PAQR6: variants seen among roughly 807,000 people sequenced by gnomAD.
PAQR6 encodes the protein progestin and adipoQ receptor family member 6, also known as membrane progestin receptor delta.
In PAQR6, 34 loss-of-function variants were observed where a neutral mutation model predicts 36.2. That is an observed-to-expected ratio of 0.94 (90% CI 0.71 to 1.25). PAQR6 has a LOEUF of 1.25. Among genes scored for constraint, PAQR6 ranks in the 50% most tolerant of loss-of-function variants. PAQR6 has a pLI of 0.00. For synonymous variants in PAQR6, 190 were observed against 190.7 expected (o/e 1.00, Z 0.03); for missense variants, 431 against 445.7 (o/e 0.97, Z 0.30).
chr1:156,246,663 G>A lies in PAQR6; in HGVS notation c.51+18C>T. ...CTAGGGAATGGGGGTTGGTGGGTCA[G>A]TGGGTGGAGCCCCTCACCCGGGGGA... On this transcript the variant is annotated intron_variant, in intron 2 of 7. Transcript: ENST00000292291. 1 of 1,613,034 alleles carries A rather than the reference G, an allele frequency of 6.2e-7. No homozygotes were observed. The highest frequency in any genetic ancestry group is 8.5e-7 in the Non-Finnish European group (1 of 1,179,458).
chr1:156,246,558 A>G, intron 2 of PAQR6, 123 bp downstream of exon 2: 1 of 1,133,396 alleles, frequency 8.8e-7, no homozygotes, highest in Non-Finnish European at 1.3e-6. Flanking sequence ...CTCACACTGG[A>G]ATGGGAGGGT....
chr1:156,244,268 AC>A lies in PAQR6; in HGVS notation c.895del (p.Val299TrpfsTer136). The A allele has an allele frequency of 6.2e-7, 1 of 1,613,600 alleles. No individual in the cohort carries two copies. The highest frequency in any genetic ancestry group is 8.5e-7 in the Non-Finnish European group (1 of 1,180,010). On this transcript the variant is annotated frameshift_variant, in exon 8 of 8. Transcript: ENST00000292291. LOFTEE classifies it high-confidence loss of function. ...AGCTGCAGCCAAGACCAGTGTGGCC[AC>A]TGTGCCTGCCAGGCCCAGGGCAGGT... ...QEPALGLAGT[V>X]ATLVLAAAGN...
intron 1 of PAQR6, among the ~76,000 whole-genome samples, chr1:156,247,311 C>A (rs1292261871): frequency 2.0e-5 from 3 of 152,216 alleles, no homozygotes; most frequent in Admixed American, 2.0e-4. Context: ...GGGTCCCTGC[C>A]CCTCCTGAGC....
Position 156,246,674 on chromosome 1 carries a change from C to T in PAQR6, c.51+7G>A. 1 of 1,613,460 alleles carries T rather than the reference C, an allele frequency of 6.2e-7. No homozygotes were observed. The highest frequency in any genetic ancestry group is 1.1e-5 in the South Asian group (1 of 90,962). ...GGGTTGGTGGGTCAGTGGGTGGAGC[C>T]CCTCACCCGGGGGACCTGGTGGACT... On this transcript the variant is annotated splice_region_variant and intron_variant, in intron 2 of 7. Coordinates refer to ENST00000292291, the MANE Select transcript of PAQR6 (RefSeq NM_198406.3).
Position 156,244,232 on chromosome 1 carries a change from A to T in PAQR6, c.932T>A (p.Leu311His). Residue 311 changes from leucine to histidine, a missense_variant, in exon 8 of 8, where the codon CTC becomes CAC. Transcript: ENST00000292291. The part of the protein sequence containing the change: ...TLVLAAAGNL[L>H]IIAAFTATLL... ...GGTGGCTGTGAAAGCAGCAATAATG[A>T]GTAGGTTCCCAGCTGCAGCCAAGAC... The T allele has an allele frequency of 6.2e-7, 1 of 1,613,810 alleles. No individual in the cohort carries two copies. Among genetic ancestry groups the T allele is most frequent in the Non-Finnish European group, 8.5e-7 (1 of 1,179,968 alleles).
At position 156,246,205 on chromosome 1, in the gene PAQR6, T is replaced by A. The variant is rs780877407; in HGVS notation, c.97A>T (p.Ser33Cys). 9.3e-6 allele frequency: 15 copies of A among 1,613,608 alleles called. No individual in the cohort carries two copies. In the East Asian group the frequency reaches 3.1e-4, roughly 34 times the overall value. Reference sequence around the variant, plus strand: ...CTGAGGACACAGTCCAAAGCCGAGCTGGTGGGGCGGCGGTAGCCAGACATG... The same window carrying A: ...CTGAGGACACAGTCCAAAGCCGAGCAGGTGGGGCGGCGGTAGCCAGACATG... ...GIMSGYRRPT[S>C]SALDCVLSSF... Residue 33 changes from serine (S) to cysteine (C), a missense_variant, in exon 3 of 8, where the codon AGC (serine) becomes TGC (cysteine). Coordinates refer to ENST00000292291, the MANE Select transcript of PAQR6 (RefSeq NM_198406.3).
Position 156,243,402 on chromosome 1 carries a change from C to T in PAQR6, c.*727G>A. On this transcript the variant is annotated 3_prime_UTR_variant, in exon 8 of 8. Coordinates refer to ENST00000292291, the MANE Select transcript of PAQR6 (RefSeq NM_198406.3). ...GGGGGTGAGGAGGTTTTACCTTCTTCAGTTCTAGAAAGTGCTTTCCAAAGT... is the reference window on the plus strand; with the variant it reads ...GGGGGTGAGGAGGTTTTACCTTCTTTAGTTCTAGAAAGTGCTTTCCAAAGT... The T allele has an allele frequency of 1.6e-6, 1 of 615,712 alleles. No homozygotes were observed. Among genetic ancestry groups the T allele is most frequent in the Non-Finnish European group, 2.7e-6 (1 of 371,402 alleles). The allele number at this position is 615,712 out of a possible 1,614,324, so 38.1% of individuals were successfully genotyped here.
chr1:156,245,431 A>C (rs553810826), intron 5 of PAQR6, 104 bp downstream of exon 5: 1 of 1,512,978 alleles, frequency 6.6e-7, no homozygotes, highest in African/African-American at 1.4e-5. Context: ...GGAAGTCCTC[A>C]GTACATGGTC....
chr1:156,243,700 T>C lies in PAQR6; in HGVS notation c.*429A>G, dbSNP rs1659670457. The C allele has an allele frequency of 5.4e-6, 5 of 934,270 alleles. No individual in the cohort carries two copies. The African/African-American group carries it at 6.6e-5, about 12-fold the overall frequency. 57.9% of individuals were successfully genotyped at this position (934,270 alleles called of 1,614,324 possible). On this transcript the variant is annotated 3_prime_UTR_variant, in exon 8 of 8. Coordinates refer to ENST00000292291, the MANE Select transcript of PAQR6 (RefSeq NM_198406.3). ...GGGATGGGGGGGCAAGTGTGTGGCC[T>C]CTCGGCCTGGTTAGCAAGAAGCATT...
chr1:156,243,828 C>T lies in PAQR6; in HGVS notation c.*301G>A. ...AGATGAAAGGACCCCAACACCTCCC[C>T]CCGCCAACCTTTGACAGAATATAGG... On this transcript the variant is annotated 3_prime_UTR_variant, in exon 8 of 8. Coordinates refer to ENST00000292291, the MANE Select transcript of PAQR6 (RefSeq NM_198406.3). The T allele has an allele frequency of 1.3e-6, 2 of 1,541,490 alleles. No homozygotes were observed. The highest frequency in any genetic ancestry group is 1.8e-6 in the Non-Finnish European group (2 of 1,142,008).
intron 7 of PAQR6, 27 bp downstream of exon 7, chr1:156,244,734 C>CCCGGG (rs1258447046): frequency 6.2e-7 from 1 of 1,613,824 alleles, no homozygotes; most frequent in Non-Finnish European, 8.5e-7. Context: ...CCTGCCTCTT[C>CCCGGG]CCGGGCCGGG....
chr1:156,246,327 G>A, intron 2 of PAQR6, 77 bp from the exon 3 acceptor site: 1 of 1,359,580 alleles, frequency 7.4e-7, no homozygotes, highest in Non-Finnish European at 1.0e-6. Flanking sequence ...TGGAAGCAGG[G>A]TCAAAGAGGC....
chr1:156,244,997 G>A (rs1028737289), intron 6 of PAQR6, 86 bp from the exon 7 acceptor site: 9 of 1,593,518 alleles, frequency 5.6e-6, no homozygotes, highest in Admixed American at 1.7e-5. Context: ...GACGCAGAGC[G>A]GGCGGGCACA....
Position 156,243,768 on chromosome 1 carries a change from G to A in PAQR6, c.*361C>T. 19 of 1,434,424 alleles carry A rather than the reference G, an allele frequency of 1.3e-5. No homozygotes were observed. The highest frequency in any genetic ancestry group is 1.8e-5 in the Non-Finnish European group (19 of 1,065,938). 88.9% of individuals were successfully genotyped at this position (1,434,424 alleles called of 1,614,324 possible). ...AGTCGTGTTAGTTCTTCCCTGTGCT[G>A]AGCAGAGACTTCCAGAAGCACCAGA... On this transcript the variant is annotated 3_prime_UTR_variant, in exon 8 of 8. Coordinates refer to ENST00000292291, the MANE Select transcript of PAQR6 (RefSeq NM_198406.3).
rs1659663549 is a variant in PAQR6 at position 156,243,668 on chromosome 1, G to A, written c.*461C>T. On this transcript the variant is annotated 3_prime_UTR_variant, in exon 8 of 8. Coordinates refer to ENST00000292291, the MANE Select transcript of PAQR6 (RefSeq NM_198406.3). ...GCTGCTGGCAAACTGGCATTACCTG[G>A]TTTGTGGGGATGGGGGGGCAAGTGT... 4.3e-6 allele frequency: 3 copies of A among 701,042 alleles called. No individual in the cohort carries two copies. The South Asian group carries it at 6.8e-5, about 16-fold the overall frequency. 43.4% of individuals were successfully genotyped at this position (701,042 alleles called of 1,614,324 possible).
rs1246467891 is a variant in PAQR6, at chr1:156,244,354, G to T, written c.810C>A (p.Phe270Leu). ...FHICAVLGTH[F>L]QLEAVLADMG... ...TATCAGCCAGCACTGCCTCCAGCTG[G>T]AAGTGGGTGCCCAGCACTGCACAGA... The change falls in exon 8 of 8, where the codon TTC becomes TTA. Residue 270 changes from phenylalanine to leucine, a missense_variant. Phe to Leu is a conservative substitution (Grantham distance 22). Coordinates refer to ENST00000292291, the MANE Select transcript of PAQR6 (RefSeq NM_198406.3). 3 of 1,582,970 alleles carry T rather than the reference G, an allele frequency of 1.9e-6. No homozygotes were observed. Among genetic ancestry groups the T allele is most frequent in the Admixed American group, 1.8e-5 (1 of 55,598 alleles).
chr1:156,245,342 C>A, intron 5 of PAQR6, 104 bp from the exon 6 acceptor site: 5 of 1,375,526 alleles, frequency 3.6e-6, no homozygotes, highest in Non-Finnish European at 5.1e-6. Context: ...GCACAGCCTG[C>A]AGCTAAGAAA....
Position 156,245,245 on chromosome 1 carries a change from G to A in PAQR6, c.513-7C>T. 6.2e-7 allele frequency: 1 copy of A among 1,612,976 alleles called. No individual in the cohort carries two copies. Among genetic ancestry groups the A allele is most frequent in the Non-Finnish European group, 8.5e-7 (1 of 1,179,054 alleles). On this transcript the variant is annotated splice_region_variant and splice_polypyrimidine_tract_variant and intron_variant, in intron 5 of 7. Coordinates refer to ENST00000292291, the MANE Select transcript of PAQR6 (RefSeq NM_198406.3). ...GCTTTCCAGCTCCAGGAAACTGGGA[G>A]GCGGGAGGAAAAGGCCGGTCACCAT...
rs1660555820 is a variant in PAQR6 at position 156,246,658 on chromosome 1, GGTCAGTGGGTGGA to G, written c.51+10_51+22del. 4 of 1,611,994 alleles carry G rather than the reference GGTCAGTGGGTGGA, an allele frequency of 2.5e-6. No individual in the cohort carries two copies. Among genetic ancestry groups the G allele is most frequent in the Non-Finnish European group, 3.4e-6 (4 of 1,178,992 alleles). On this transcript the variant is annotated intron_variant, in intron 2 of 7. Transcript: ENST00000292291. ...GTCCTCTAGGGAATGGGGGTTGGTG[GGTCAGTGGGTGGA>G]GCCCCTCACCCGGGGGACCTGGTGG...
Sources: allele counts gnomAD v4.1 joint callset (sites outside exome capture counted in the v4.1 genomes callset), GRCh38; gene constraint gnomAD v4.1.1; transcripts MANE v1.5; gene names NCBI Gene and HGNC (gene_info 2026-07-23, HGNC 2026-07-21).